The following IFT80 variants were observed in gnomAD, a reference collection of about 807,000 sequenced individuals.
The protein encoded by IFT80 is intraflagellar transport 80, also known as intraflagellar transport protein 80 homolog.
In IFT80, 79 loss-of-function variants were observed where a neutral mutation model predicts 107.9. The observed-to-expected ratio is 0.73, with a 90% CI of 0.61 to 0.88. IFT80 has a LOEUF of 0.88. IFT80 is among the 40% of genes least tolerant of loss of function. IFT80 has a pLI of 0.00. For synonymous variants in IFT80, 299 were observed against 300.9 expected (o/e 0.99, Z 0.07); for missense variants, 797 against 914.2 (o/e 0.87, Z 1.65).
At chr3:160,394,090 C>A (rs993445657) in intron 1 of IFT80, 2 of 152,208 alleles carry the variant, frequency 1.3e-5, no homozygotes, top group African/African-American at 2.4e-5. Context: ...GGTGCCATCA[C>A]AGAACTTGCA....
At chr3:160,328,101 T>A (rs999491677) in intron 8 of IFT80, among the ~76,000 whole-genome samples, 2 of 152,028 alleles carry the variant, frequency 1.3e-5, no homozygotes, top group African/African-American at 4.8e-5. Context: ...ACATCACTAA[T>A]CATTGGAGAA....
rs542409287 is a variant in IFT80 at position 160,330,194 on chromosome 3, A to C, written c.778-10255T>G. Among the ~76,000 whole-genome samples the C allele has an allele frequency of 1.3e-4, 20 of 152,328 alleles. No individual in the cohort carries two copies. The South Asian group carries it at 3.5e-3, about 27-fold the overall frequency. On this transcript the variant is annotated intron_variant, in intron 8 of 19. Transcript: ENST00000326448. The stretch of plus-strand genomic sequence containing the variant: ...CTTAGAAACTTTAAAACAAAAGAAC[A>C]ACCAAAACCCTGGCTCTGATCCAAC...
At position 160,307,750 on chromosome 3, in the gene IFT80, A is replaced by G; in HGVS notation, c.989T>C (p.Leu330Ser). 1 of 1,596,354 alleles carries G rather than the reference A, an allele frequency of 6.3e-7. No individual in the cohort carries two copies. The highest frequency in any genetic ancestry group is 8.6e-7 in the Non-Finnish European group (1 of 1,163,928). ...AATGACTCTATCACGGAATTCCAGT[A>G]AATCCACTGCATCATTAAGAACATT... ...VRNVLNDAVDLLEFRDRVIKA... is the reference protein window; with the variant it reads ...VRNVLNDAVDSLEFRDRVIKA... The change falls in exon 10 of 20, where the codon TTA (leucine) becomes TCA (serine). Residue 330 changes from leucine to serine, a missense_variant. Transcript: ENST00000326448.
At chr3:160,336,675 A>G (rs1172964952) in intron 8 of IFT80, among the ~76,000 whole-genome samples, 1 of 152,092 alleles carries the variant, frequency 6.6e-6, no homozygotes, top group Non-Finnish European at 1.5e-5. Context: ...CTATATAGCT[A>G]TTGACAGTAT....
At chr3:160,347,711 T>A (rs188218723) in intron 8 of IFT80, among the ~76,000 whole-genome samples, 8 of 152,290 alleles carry the variant, frequency 5.3e-5, no homozygotes, top group Admixed American at 2.0e-4. Flanking sequence ...ATAAGTATCT[T>A]TCCAGGTGAT....
chr3:160,335,997 T>C (rs1247644282), intron 8 of IFT80, among the ~76,000 whole-genome samples: 2 of 152,224 alleles, frequency 1.3e-5, no homozygotes, highest in Non-Finnish European at 2.9e-5. Flanking sequence ...CTTTATTCTT[T>C]TTTACTGCCA....
chr3:160,372,710 C>A (rs1162318468), intron 5 of IFT80, among the ~76,000 whole-genome samples: 1 of 151,848 alleles, frequency 6.6e-6, no homozygotes, highest in East Asian at 1.9e-4. Context: ...ACTTTGAGAA[C>A]AATAAAATTA....
chr3:160,278,077 G>T (rs1423029540), intron 16 of IFT80, among the ~76,000 whole-genome samples: 1 of 152,204 alleles, frequency 6.6e-6, no homozygotes, highest in African/African-American at 2.4e-5. Flanking sequence ...TAGGCAGATA[G>T]TGAGGGTACA....
intron 5 of IFT80, among the ~76,000 whole-genome samples, chr3:160,366,924 C>G (rs1003179153): frequency 2.6e-5 from 4 of 152,122 alleles, no homozygotes; most frequent in African/African-American, 9.6e-5. Flanking sequence ...CTCACAACCC[C>G]CTCACTACCT....
chr3:160,356,976 T>G (rs1323732287), intron 7 of IFT80, among the ~76,000 whole-genome samples: 2 of 152,222 alleles, frequency 1.3e-5, no homozygotes, highest in African/African-American at 4.8e-5. Context: ...TTGATCAATA[T>G]TTAGTAAACC....
intron 8 of IFT80, among the ~76,000 whole-genome samples, chr3:160,340,803 T>A (rs1305541558): frequency 6.6e-6 from 1 of 152,184 alleles, no homozygotes; most frequent in Non-Finnish European, 1.5e-5. Flanking sequence ...CTTAATCGCA[T>A]CTGCAAAGTT....
At chr3:160,362,805 C>G (rs533985578) in intron 6 of IFT80, among the ~76,000 whole-genome samples, 1 of 149,158 alleles carries the variant, frequency 6.7e-6, no homozygotes, top group African/African-American at 2.5e-5. Context: ...AGGCCTTCGA[C>G]AAAATTCAAC....
At chr3:160,337,704 T>G (rs1372280283) in intron 8 of IFT80, among the ~76,000 whole-genome samples, 1 of 152,206 alleles carries the variant, frequency 6.6e-6, no homozygotes. Context: ...ATTAACCTAT[T>G]GTCTTCTGAC....
chr3:160,265,208 A>G (rs1438556953), intron 19 of IFT80, among the ~76,000 whole-genome samples: 1 of 152,198 alleles, frequency 6.6e-6, no homozygotes, highest in African/African-American at 2.4e-5. Context: ...GGCACTCAAT[A>G]AATACTGAAT....
chr3:160,283,376 A>G (rs998967498), intron 13 of IFT80, among the ~76,000 whole-genome samples: 3 of 152,230 alleles, frequency 2.0e-5, no homozygotes, highest in South Asian at 2.1e-4. Context: ...TGTGAATTCA[A>G]CCAGAATAAT....
chr3:160,356,375 T>C (rs1399485502), intron 7 of IFT80, among the ~76,000 whole-genome samples: 1 of 152,182 alleles, frequency 6.6e-6, no homozygotes, highest in Non-Finnish European at 1.5e-5. Context: ...CTGTATTCCT[T>C]TAAGCCTAAA....
chr3:160,383,514 G>C (rs1198993502), intron 2 of IFT80: 2 of 815,668 alleles, frequency 2.5e-6, no homozygotes, highest in South Asian at 5.6e-5. Flanking sequence ...TCTTTATTTC[G>C]AATCCATTGC....
chr3:160,306,375 C>T (rs972662587), intron 10 of IFT80, among the ~76,000 whole-genome samples: 1 of 152,106 alleles, frequency 6.6e-6, no homozygotes, highest in African/African-American at 2.4e-5. Context: ...AGTTAAGAGC[C>T]TTACCTTTCT....
At chr3:160,371,769 C>T (rs1313181638) in intron 5 of IFT80, among the ~76,000 whole-genome samples, 1 of 152,162 alleles carries the variant, frequency 6.6e-6, no homozygotes, top group Non-Finnish European at 1.5e-5. Context: ...CAGTTTACCT[C>T]CTTAACTGAA....
Sources: allele counts gnomAD v4.1 joint callset (sites outside exome capture counted in the v4.1 genomes callset), GRCh38; gene constraint gnomAD v4.1.1; transcripts MANE v1.5; gene names NCBI Gene and HGNC (gene_info 2026-07-23, HGNC 2026-07-21).